The following STYX variants were observed in gnomAD, a reference collection of about 807,000 sequenced individuals.
STYX encodes serine/threonine/tyrosine interacting protein.
Under a neutral mutation model 42.7 loss-of-function variants are expected in STYX, and 20 were observed. The observed-to-expected ratio is 0.47, with a 90% CI of 0.33 to 0.68. The LOEUF is 0.68. Ranked by LOEUF, STYX falls within the 30% of genes least tolerant of loss-of-function variation. The pLI is 0.02. For missense variants in STYX, 226 were observed against 268.5 expected (o/e 0.84, Z 1.11); for synonymous variants, 78 against 81.9 (o/e 0.95, Z 0.26).
intron 1 of STYX, among the ~76,000 whole-genome samples, chr14:52,737,937 G>A (rs1485841339): frequency 2.6e-5 from 4 of 152,076 alleles, no homozygotes; most frequent in Non-Finnish European, 5.9e-5. Flanking sequence ...CACCATGCCC[G>A]GCTAATTTTT....
At chr14:52,762,597 A>T (rs185040033) in intron 9 of STYX, among the ~76,000 whole-genome samples, 1 of 150,750 alleles carries the variant, frequency 6.6e-6, no homozygotes, top group African/African-American at 2.4e-5. Context: ...TTTCTGTACT[A>T]TCCTTTTCTG....
chr14:52,767,901 A>C (rs1594884048), intron 9 of STYX, among the ~76,000 whole-genome samples: 1 of 152,182 alleles, frequency 6.6e-6, no homozygotes, highest in East Asian at 1.9e-4. Flanking sequence ...ACTTTTAGCT[A>C]TCCAAGATCA....
chr14:52,734,401 C>A (rs1433819566), intron 1 of STYX, among the ~76,000 whole-genome samples: 1 of 152,152 alleles, frequency 6.6e-6, no homozygotes, highest in African/African-American at 2.4e-5. Context: ...CCATCCCCTC[C>A]CATAGAGGTG....
chr14:52,745,122 TG>T lies in STYX; in HGVS notation c.90+239del, dbSNP rs1268386178. ...AGTCACTTTCTCTTGGTTTTTTTTT[TG>T]TTTTTTTTTTTTTTGAAACAGAGTT... On this transcript the variant is annotated intron_variant, in intron 2 of 10. Transcript: ENST00000354586. Among the ~76,000 whole-genome samples, 15 of 133,230 alleles carry T rather than the reference TG, an allele frequency of 1.1e-4. No individual in the cohort carries two copies. In the East Asian group the frequency reaches 2.6e-3, roughly 23 times the overall value. 87.4% of individuals were successfully genotyped at this position (133,230 alleles called of 152,430 possible). A position where few individuals can be genotyped will look rare whatever the true frequency, so the allele number is the denominator to read the frequency against.
At chr14:52,763,996 T>TTTG (rs999421676) in intron 9 of STYX, among the ~76,000 whole-genome samples, 3 of 152,118 alleles carry the variant, frequency 2.0e-5, no homozygotes, top group Non-Finnish European at 2.9e-5. Flanking sequence ...TTCAGGGTTT[T>TTTG]TTGTTGTTGT....
chr14:52,733,599 T>A (rs1880823824), intron 1 of STYX, among the ~76,000 whole-genome samples: 2 of 152,138 alleles, frequency 1.3e-5, no homozygotes. Flanking sequence ...GTTAACTTGC[T>A]AGAGTGACTT....
In STYX at chr14:52,774,681, T is replaced by C. The variant is rs1275146062; in HGVS notation, c.*3575T>C. 1 of 151,592 alleles carries C rather than the reference T, an allele frequency of 6.6e-6. No homozygotes were observed. The highest frequency in any genetic ancestry group is 2.4e-5 in the African/African-American group (1 of 41,236). 9.4% of individuals were successfully genotyped at this position (151,592 alleles called of 1,614,324 possible). On this transcript the variant is annotated 3_prime_UTR_variant, in exon 11 of 11. Transcript: ENST00000354586. Reference sequence around the variant, plus strand: ...AGGTTTACATGTTAGCTCTCTCTCATAGGGAGCTGCCATACCTCACAGTTC... The same window carrying C: ...AGGTTTACATGTTAGCTCTCTCTCACAGGGAGCTGCCATACCTCACAGTTC...
At position 52,771,923 on chromosome 14, in the gene STYX, C is replaced by T. The variant is rs1044953630; in HGVS notation, c.*817C>T. On this transcript the variant is annotated 3_prime_UTR_variant, in exon 11 of 11. Coordinates refer to ENST00000354586, the MANE Select transcript of STYX (RefSeq NM_145251.4). ...GCATTTTTTGGCAGTAAAAGCCAAACGTTGTATTTGTTCTTTTCAGAGTTG... is the reference window on the plus strand; with the variant it reads ...GCATTTTTTGGCAGTAAAAGCCAAATGTTGTATTTGTTCTTTTCAGAGTTG... 2.0e-5 allele frequency: 3 copies of T among 152,466 alleles called. No individual in the cohort carries two copies. Among genetic ancestry groups the T allele is most frequent in the Non-Finnish European group, 4.4e-5 (3 of 67,938 alleles). The allele number at this position is 152,466 out of a possible 1,614,324, so 9.4% of individuals were successfully genotyped here.
chr14:52,730,376 T>G lies in STYX; in HGVS notation c.-99T>G. On this transcript the variant is annotated 5_prime_UTR_variant, in exon 1 of 11. Coordinates refer to ENST00000354586, the MANE Select transcript of STYX (RefSeq NM_145251.4). ...CGCCGCCCTCCTGTCAGCCCTCCGC[T>G]CCGCCGGCCCTCCTTCCTTCCGCCG... 1 of 1,284,828 alleles carries G rather than the reference T, an allele frequency of 7.8e-7. No individual in the cohort carries two copies. The highest frequency in any genetic ancestry group is 2.5e-5 in the East Asian group (1 of 40,606). The allele number at this position is 1,284,828 out of a possible 1,614,324, so 79.6% of individuals were successfully genotyped here. A position where few individuals can be genotyped will look rare whatever the true frequency, so the allele number is the denominator to read the frequency against.
chr14:52,750,635 TA>T, intron 3 of STYX, 47 bp from the exon 4 acceptor site: 1 of 1,205,630 alleles, frequency 8.3e-7, no homozygotes, highest in Non-Finnish European at 1.2e-6. Context: ...TTTGATATTT[TA>T]AAATATTTAT....
At chr14:52,752,186 A>AAACAAAACAAAAC (rs1566674786) in intron 4 of STYX, among the ~76,000 whole-genome samples, 1 of 151,200 alleles carries the variant, frequency 6.6e-6, no homozygotes, top group Non-Finnish European at 1.5e-5. Context: ...AAAACAAAAA[A>AAACAAAACAAAAC]AAAACAGCGC....
At chr14:52,737,401 T>C (rs1434292313) in intron 1 of STYX, among the ~76,000 whole-genome samples, 2 of 152,218 alleles carry the variant, frequency 1.3e-5, no homozygotes, top group African/African-American at 4.8e-5. Flanking sequence ...CTCATGTTGA[T>C]CGAAAGATTT....
chr14:52,754,462 C>G (rs1040076140), intron 4 of STYX, among the ~76,000 whole-genome samples: 2 of 151,674 alleles, frequency 1.3e-5, no homozygotes, highest in African/African-American at 2.4e-5. Context: ...ATCTACCCAC[C>G]TCAGCCTCCC....
In STYX at chr14:52,750,724, C is replaced by T. The variant is rs369581931; in HGVS notation, c.186C>T (p.Cys62=). ...LQKHGITHII[C]IRQNIEANFI... ...AACATGGAATAACCCATATAATATG[C>T]ATACGACAAAATATTGAAGCAAACT... is the stretch of plus-strand genomic sequence containing the variant. Residue 62 remains cysteine, a synonymous_variant, in exon 4 of 11, where the codon TGC becomes TGT. Coordinates refer to ENST00000354586, the MANE Select transcript of STYX (RefSeq NM_145251.4). 232 of 1,594,070 alleles carry T rather than the reference C, an allele frequency of 1.5e-4. No individual in the cohort carries two copies. Among genetic ancestry groups the T allele is most frequent in the African/African-American group, 7.8e-4 (58 of 73,896 alleles).
intron 8 of STYX, among the ~76,000 whole-genome samples, chr14:52,758,891 T>C (rs1372028645): frequency 1.3e-5 from 2 of 152,150 alleles, no homozygotes; most frequent in Non-Finnish European, 2.9e-5. Flanking sequence ...AAATATTTAA[T>C]TGAAAAAAGA....
At chr14:52,770,945 A>G in intron 10 of STYX, 88 bp from the exon 11 acceptor site, 1 of 1,193,488 alleles carries the variant, frequency 8.4e-7, no homozygotes, top group South Asian at 1.3e-5. Flanking sequence ...TGTATACATG[A>G]TCACTTAATA....
At chr14:52,732,859 C>T (rs1352753546) in intron 1 of STYX, among the ~76,000 whole-genome samples, 2 of 151,822 alleles carry the variant, frequency 1.3e-5, no homozygotes, top group Admixed American at 6.6e-5. Flanking sequence ...TTAGTAGAGA[C>T]GGGGTTTCAC....
rs185677968 is a variant in STYX at position 52,730,795 on chromosome 14, G to A, written c.57+264G>A. ...CCTTAGTCCCTAGGCTTGGCATCCA[G>A]GACTGACCTGGAGTAAGGTTCCTCT... On this transcript the variant is annotated intron_variant, in intron 1 of 10. Transcript: ENST00000354586. Among the ~76,000 whole-genome samples, 62 of 152,350 alleles carry A rather than the reference G, an allele frequency of 4.1e-4. 1 individual carries two copies. In the East Asian group the frequency reaches 9.1e-3, roughly 22 times the overall value.
Position 52,754,786 on chromosome 14 carries a change from A to C in STYX, c.243-1765A>C, listed in dbSNP as rs1261503681. 7.2e-5 allele frequency among the ~76,000 whole-genome samples: 11 copies of C among 152,294 alleles called. No individual in the cohort carries two copies. The East Asian group carries it at 2.1e-3, about 29-fold the overall frequency. On this transcript the variant is annotated intron_variant, in intron 4 of 10. Transcript: ENST00000354586. ...AAAAAGCCAAAAAATCATACTATTC[A>C]TTTCTAATGTGTACAGACTTTTTGT... is the stretch of plus-strand genomic sequence containing the variant.
Sources: allele counts gnomAD v4.1 joint callset (sites outside exome capture counted in the v4.1 genomes callset), GRCh38; gene constraint gnomAD v4.1.1; transcripts MANE v1.5; gene names NCBI Gene and HGNC (gene_info 2026-07-23, HGNC 2026-07-21).